SLC9A4: variants seen among roughly 807,000 people sequenced by gnomAD.
SLC9A4 encodes solute carrier family 9 member A4, also known as sodium/hydrogen exchanger 4.
A neutral mutation model predicts 67.4 loss-of-function variants in SLC9A4; 63 were observed. The ratio of observed to expected loss-of-function variants is 0.93; its 90% CI spans 0.76 to 1.15. The LOEUF is 1.15. Among genes scored for constraint, SLC9A4 ranks in the 50% most tolerant of loss-of-function variants. The pLI is 0.00. For missense variants in SLC9A4, 1,089 were observed against 987.7 expected, an observed-to-expected ratio of 1.10 and a Z score of -1.38; for synonymous variants, 393 against 367.2, an observed-to-expected ratio of 1.07 and a Z score of -0.80.
At chr2:102,492,931 G>A (rs1684734016) in intron 2 of SLC9A4, among the ~76,000 whole-genome samples, 1 of 152,180 alleles carries the variant, frequency 6.6e-6, no homozygotes, top group African/African-American at 2.4e-5. Context: ...CAAGTTCAAA[G>A]TTCCACAGAT....
chr2:102,489,479 A>G (rs921806686), intron 2 of SLC9A4, among the ~76,000 whole-genome samples: 4 of 152,254 alleles, frequency 2.6e-5, no homozygotes, highest in Non-Finnish European at 5.9e-5. Context: ...GCTATGAACT[A>G]TGGCAATCCT....
At chr2:102,525,639 C>T (rs1294786583) in intron 10 of SLC9A4, among the ~76,000 whole-genome samples, 1 of 151,980 alleles carries the variant, frequency 6.6e-6, no homozygotes, top group African/African-American at 2.4e-5. Context: ...CCATTGGAGG[C>T]CATAACAAAC....
At chr2:102,494,982 G>T (rs1488389811) in intron 2 of SLC9A4, among the ~76,000 whole-genome samples, 1 of 151,926 alleles carries the variant, frequency 6.6e-6, no homozygotes, top group African/African-American at 2.4e-5. Flanking sequence ...CAACCACCTT[G>T]CCCTAATTCC....
In SLC9A4 at chr2:102,473,943, C is replaced by A; in HGVS notation, c.184C>A (p.Leu62Met). The stretch of plus-strand genomic sequence containing the variant: ...AGAGGAAGGGATATCTGTTTTTGAA[C>A]TGGATTATGACTATGTGCAAATTCC... ...EPEEGISVFE[L>M]DYDYVQIPYE... The change falls in exon 1 of 12, where the codon CTG (leucine) becomes ATG (methionine). Residue 62 changes from leucine to methionine, a missense_variant. Physicochemically the swap from Leu to Met is conservative, Grantham distance 15. Transcript: ENST00000295269. 6 of 1,614,044 alleles carry A rather than the reference C, an allele frequency of 3.7e-6. No homozygotes were observed. Among genetic ancestry groups the A allele is most frequent in the Non-Finnish European group, 5.1e-6 (6 of 1,179,946 alleles).
chr2:102,499,959 C>G (rs865888719), intron 2 of SLC9A4, among the ~76,000 whole-genome samples: 2 of 152,150 alleles, frequency 1.3e-5, no homozygotes, highest in Non-Finnish European at 2.9e-5. Flanking sequence ...GTCTGTAACA[C>G]AAGTTAATTT....
At chr2:102,483,004 C>T (rs533724437) in intron 2 of SLC9A4, among the ~76,000 whole-genome samples, 11 of 152,270 alleles carry the variant, frequency 7.2e-5, no homozygotes, top group Admixed American at 5.2e-4. Flanking sequence ...GGCTTGGTTT[C>T]TGGTTGGGGT....
chr2:102,501,831 A>G (rs1684947196), intron 2 of SLC9A4, among the ~76,000 whole-genome samples: 1 of 151,708 alleles, frequency 6.6e-6, no homozygotes, highest in East Asian at 1.9e-4. Context: ...GTGTCTCCAT[A>G]AGGAAGATGA....
intron 1 of SLC9A4, among the ~76,000 whole-genome samples, chr2:102,476,082 T>C (rs1364329850): frequency 2.6e-5 from 4 of 152,226 alleles, no homozygotes; most frequent in East Asian, 3.8e-4. Context: ...TTAGTACTTA[T>C]TGCCCATAGA....
intron 8 of SLC9A4, among the ~76,000 whole-genome samples, 170 bp downstream of exon 8, chr2:102,514,421 G>A (rs1573350533): frequency 6.6e-6 from 1 of 152,208 alleles, no homozygotes; most frequent in East Asian, 1.9e-4. Context: ...CTTGGCCCAA[G>A]CTCACATATT....
At chr2:102,477,767 C>T (rs1012916393) in intron 1 of SLC9A4, among the ~76,000 whole-genome samples, 1 of 152,160 alleles carries the variant, frequency 6.6e-6, no homozygotes, top group Non-Finnish European at 1.5e-5. Flanking sequence ...TTCAGAGTGA[C>T]AAGGTCCTTT....
intron 6 of SLC9A4, among the ~76,000 whole-genome samples, chr2:102,510,124 T>G (rs1685130345): frequency 6.6e-6 from 1 of 152,156 alleles, no homozygotes; most frequent in Admixed American, 6.6e-5. Flanking sequence ...CCTCCTTTTT[T>G]GTCCAAGCTG....
intron 2 of SLC9A4, among the ~76,000 whole-genome samples, chr2:102,481,455 T>C (rs1009864011): frequency 1.3e-5 from 2 of 152,208 alleles, no homozygotes; most frequent in African/African-American, 2.4e-5. Flanking sequence ...TGATGTCCTT[T>C]CTGGGTTGAC....
At chr2:102,477,134 C>G (rs1345214503) in intron 1 of SLC9A4, among the ~76,000 whole-genome samples, 1 of 152,174 alleles carries the variant, frequency 6.6e-6, no homozygotes, top group Non-Finnish European at 1.5e-5. Flanking sequence ...CACCGCCTTC[C>G]TTAGGTTTGA....
chr2:102,510,401 A>C (rs1573347688), intron 6 of SLC9A4, among the ~76,000 whole-genome samples: 1 of 152,216 alleles, frequency 6.6e-6, no homozygotes, highest in African/African-American at 2.4e-5. Context: ...CCAGAAGAGC[A>C]GGCTGGAACC....
At chr2:102,501,844 C>T (rs1177300226) in intron 2 of SLC9A4, among the ~76,000 whole-genome samples, 1 of 151,542 alleles carries the variant, frequency 6.6e-6, no homozygotes. Context: ...GAAGATGATT[C>T]CCATCTTGGA....
At chr2:102,491,610 C>T (rs1010446268) in intron 2 of SLC9A4, among the ~76,000 whole-genome samples, 1 of 152,066 alleles carries the variant, frequency 6.6e-6, no homozygotes, top group East Asian at 1.9e-4. Flanking sequence ...CAATTACCTC[C>T]CACTGGGTCC....
intron 8 of SLC9A4, among the ~76,000 whole-genome samples, chr2:102,514,913 T>C (rs1168558182): frequency 1.3e-5 from 2 of 152,144 alleles, no homozygotes; most frequent in Non-Finnish European, 2.9e-5. Flanking sequence ...TATAAACCCA[T>C]CATTACAAGA....
At chr2:102,499,316 A>G (rs1684874744) in intron 2 of SLC9A4, among the ~76,000 whole-genome samples, 1 of 151,248 alleles carries the variant, frequency 6.6e-6, no homozygotes. Context: ...ATAGATAGAT[A>G]GAATTAGAAA....
At chr2:102,515,410 TC>T (rs1253994149) in intron 8 of SLC9A4, among the ~76,000 whole-genome samples, 154 of 148,302 alleles carry the variant, frequency 1.0e-3, no homozygotes, top group African/African-American at 2.9e-3. Context: ...ACTGAGATAA[TC>T]CCTGAGGATA....
Sources: allele counts gnomAD v4.1 joint callset (sites outside exome capture counted in the v4.1 genomes callset), GRCh38; gene constraint gnomAD v4.1.1; transcripts MANE v1.5; gene names NCBI Gene and HGNC (gene_info 2026-07-23, HGNC 2026-07-21).